Variants in GINS1 observed in about 807,000 individuals in gnomAD.
GINS1 encodes DNA replication complex GINS protein PSF1.
In GINS1, 26 loss-of-function variants were observed where a neutral mutation model predicts 34.9. The observed-to-expected ratio is 0.74, with a 90% CI of 0.55 to 1.03. The LOEUF (loss-of-function observed/expected upper bound fraction) is 1.03. Among genes scored for constraint, GINS1 ranks in the 50% least tolerant of loss-of-function variants. GINS1 has a pLI of 0.00. For missense variants in GINS1, 235 were observed against 237.9 expected (o/e 0.99, Z 0.08); for synonymous variants, 97 against 84.4 (o/e 1.15, Z -0.82).
Position 25,413,969 on chromosome 20 carries a change from A to G in GINS1, c.140+115A>G, listed in dbSNP as rs1161863639. The G allele has an allele frequency of 6.3e-6, 4 of 639,532 alleles. No homozygotes were observed. The African/African-American group carries it at 7.3e-5, about 12-fold the overall frequency. 39.6% of individuals were successfully genotyped at this position (639,532 alleles called of 1,614,324 possible). On this transcript the variant is annotated intron_variant, in intron 2 of 6. Transcript: ENST00000262460. ...CACTTTGGGAGGCTGAGGCGGGCGG[A>G]TTACGAGGTCAGGAGTTTGAGATCA... is the stretch of plus-strand genomic sequence containing the variant.
At chr20:25,411,400 C>T (rs766979805) in intron 1 of GINS1, 3 of 152,198 alleles carry the variant, frequency 2.0e-5, no homozygotes, top group Non-Finnish European at 2.9e-5. Context: ...TTTGTATATG[C>T]CACAGCATTT....
intron 6 of GINS1, among the ~76,000 whole-genome samples, chr20:25,444,229 G>A (rs1184290689): frequency 6.6e-6 from 1 of 151,552 alleles, no homozygotes; most frequent in African/African-American, 2.4e-5. Context: ...TGATCAGGCT[G>A]GTCTCAAACT....
chr20:25,424,482 A>G (rs6083855), intron 4 of GINS1, among the ~76,000 whole-genome samples: 82,212 of 151,996 alleles, frequency 0.54, 22,821 homozygotes, highest in Admixed American at 0.61. Context: ...TATGATTCAT[A>G]CACTGTGAAG....
intron 5 of GINS1, among the ~76,000 whole-genome samples, chr20:25,430,001 C>T (rs2090418216): frequency 6.6e-6 from 1 of 152,168 alleles, no homozygotes; most frequent in Non-Finnish European, 1.5e-5. Flanking sequence ...CAACGTCCGC[C>T]TCCTAGGTTC....
intron 1 of GINS1, chr20:25,409,122 C>A: frequency 1.4e-6 from 1 of 700,618 alleles, no homozygotes; most frequent in Non-Finnish European, 1.8e-6. Flanking sequence ...GTCACGTGGT[C>A]ACACTGGAGA....
chr20:25,407,941 T>G, intron 1 of GINS1, 46 bp downstream of exon 1: 482 of 1,211,084 alleles, frequency 4.0e-4, no homozygotes, highest in Non-Finnish European at 5.4e-4. Context: ...CGTTGGGCCC[T>G]GGGCTCTGGG....
intron 4 of GINS1, 136 bp from the exon 5 acceptor site, chr20:25,425,075 T>C (rs1022887759): frequency 3.7e-6 from 2 of 541,630 alleles, no homozygotes; most frequent in Non-Finnish European, 6.7e-6. Context: ...TAGGAGGCAA[T>C]TAATATTTTA....
chr20:25,440,827 AAAAAAG>A (rs2090478158), intron 5 of GINS1, among the ~76,000 whole-genome samples: 4 of 150,140 alleles, frequency 2.7e-5, no homozygotes, highest in African/African-American at 1.0e-4. Flanking sequence ...AAAAAAAAAA[AAAAAAG>A]AAAGAAAAAA....
intron 5 of GINS1, among the ~76,000 whole-genome samples, chr20:25,429,503 G>GT (rs2090415258): frequency 6.6e-6 from 1 of 152,000 alleles, no homozygotes; most frequent in Non-Finnish European, 1.5e-5. Flanking sequence ...CTTCAGCAGT[G>GT]TTTTTTAGTT....
At position 25,446,093 on chromosome 20, in the gene GINS1, T is replaced by C. The variant is rs746507365; in HGVS notation, c.*102T>C. The C allele has an allele frequency of 1.7e-4, 108 of 619,892 alleles. No individual in the cohort carries two copies. The highest frequency in any genetic ancestry group is 2.8e-4 in the Non-Finnish European group (99 of 348,644). The allele number at this position is 619,892 out of a possible 1,614,324, so 38.4% of individuals were successfully genotyped here. On this transcript the variant is annotated 3_prime_UTR_variant, in exon 7 of 7. Coordinates refer to ENST00000262460, the MANE Select transcript of GINS1 (RefSeq NM_021067.5). ...CCTCCCTCTTTGATTTTAGAAGCTA[T>C]AGACATTGTTTAAGATAACTAAGAA...
intron 5 of GINS1, among the ~76,000 whole-genome samples, chr20:25,427,744 A>G (rs1369839298): frequency 6.8e-6 from 1 of 147,910 alleles, no homozygotes; most frequent in Non-Finnish European, 1.5e-5. Flanking sequence ...ATTTGCAAAT[A>G]TTTTCTCCCA....
chr20:25,442,338 A>ATCTGTCTG (rs56170743), intron 6 of GINS1, among the ~76,000 whole-genome samples: 89 of 149,422 alleles, frequency 6.0e-4, no homozygotes, highest in African/African-American at 1.6e-3. Flanking sequence ...CTATCTATCT[A>ATCTGTCTG]TCTGTCTGTC....
intron 5 of GINS1, among the ~76,000 whole-genome samples, chr20:25,435,874 G>A (rs1188757295): frequency 1.3e-4 from 18 of 143,684 alleles, no homozygotes; most frequent in African/African-American, 4.2e-4. Flanking sequence ...GTGCAGTGGC[G>A]CAATCTCAGC....
At chr20:25,441,841 A>G in intron 6 of GINS1, 65 bp downstream of exon 6, 1 of 795,934 alleles carries the variant, frequency 1.3e-6, no homozygotes, top group Non-Finnish European at 2.1e-6. Context: ...AAAAGTTGGA[A>G]TAGCAAAATA....
chr20:25,433,574 A>G (rs2090438612), intron 5 of GINS1, among the ~76,000 whole-genome samples: 1 of 152,190 alleles, frequency 6.6e-6, no homozygotes, highest in Admixed American at 6.5e-5. Flanking sequence ...TTCAGTACAG[A>G]CACAACCATC....
At chr20:25,432,887 A>G (rs1327232902) in intron 5 of GINS1, among the ~76,000 whole-genome samples, 1 of 148,508 alleles carries the variant, frequency 6.7e-6, no homozygotes, top group Non-Finnish European at 1.5e-5. Context: ...ATAACATTAT[A>G]TATTAATATA....
chr20:25,438,298 G>A (rs992791103), intron 5 of GINS1, among the ~76,000 whole-genome samples: 1 of 151,930 alleles, frequency 6.6e-6, no homozygotes, highest in Admixed American at 6.6e-5. Context: ...AAAAATGTAC[G>A]AACTGAGCAT....
rs576280487 is a variant in GINS1, at chr20:25,440,148, G to A, written c.448-1554G>A. On this transcript the variant is annotated intron_variant, in intron 5 of 6. Coordinates refer to ENST00000262460, the MANE Select transcript of GINS1 (RefSeq NM_021067.5). ...CCTGAGTAGCTGGGATTACAGGCAC[G>A]CACCACCACACCCAGCTAAATTTTG... Among the ~76,000 whole-genome samples the A allele has an allele frequency of 4.1e-4, 63 of 151,910 alleles. 1 individual carries two copies. Among genetic ancestry groups the A allele is most frequent in the Non-Finnish European group, 2.6e-4 (18 of 67,986 alleles).
intron 2 of GINS1, 67 bp from the exon 3 acceptor site, chr20:25,417,037 T>C: frequency 1.4e-6 from 1 of 711,690 alleles, no homozygotes; most frequent in Non-Finnish European, 2.5e-6. Context: ...CAGTTGTTAG[T>C]TGGCTTTGAA....
Sources: gnomAD v4.1 joint callset for allele counts (sites outside exome capture counted in the v4.1 genomes callset) on GRCh38, gnomAD v4.1.1 for gene constraint, MANE v1.5 for transcripts, NCBI Gene and HGNC (gene_info 2026-07-23, HGNC 2026-07-21) for gene names.